Variants in NR5A2 observed in about 807,000 individuals in gnomAD.
NR5A2 encodes the protein CYP7A promoter-binding factor.
NR5A2 carries 26 observed loss-of-function variants against 62.7 expected under a neutral mutation model. The ratio of observed to expected loss-of-function variants is 0.41; its 90% CI spans 0.30 to 0.58. The LOEUF is 0.58. Ranked by LOEUF, NR5A2 falls within the 20% of genes least tolerant of loss-of-function variation. The probability of loss-of-function intolerance (pLI) is 0.22; values close to 1 mark genes in which losing one functional copy is unlikely to be tolerated. For synonymous variants in NR5A2, 246 were observed against 241.7 expected (o/e 1.02, Z -0.16); for missense variants, 541 against 669.1 (o/e 0.81, Z 2.11).
At chr1:200,098,999 T>C (rs1277536510) in intron 5 of NR5A2, among the ~76,000 whole-genome samples, 1 of 152,236 alleles carries the variant, frequency 6.6e-6, no homozygotes, top group Non-Finnish European at 1.5e-5. Context: ...CTTCAATTGC[T>C]ACTACTTTCT....
intron 5 of NR5A2, among the ~76,000 whole-genome samples, chr1:200,062,561 G>A (rs1051288116): frequency 1.3e-5 from 2 of 152,126 alleles, no homozygotes; most frequent in African/African-American, 4.8e-5. Flanking sequence ...CAGAAGTGTT[G>A]GCAACAGAAT....
At chr1:200,093,087 T>C (rs953861041) in intron 5 of NR5A2, among the ~76,000 whole-genome samples, 1 of 151,954 alleles carries the variant, frequency 6.6e-6, no homozygotes, top group Non-Finnish European at 1.5e-5. Context: ...ATTAGACTTG[T>C]AGTTTTAGGG....
At chr1:200,123,059 G>A (rs1666546432) in intron 7 of NR5A2, among the ~76,000 whole-genome samples, 3 of 152,156 alleles carry the variant, frequency 2.0e-5, no homozygotes, top group Admixed American at 6.5e-5. Flanking sequence ...ACTCTTGAAA[G>A]TTAAGGCCAA....
intron 3 of NR5A2, among the ~76,000 whole-genome samples, chr1:200,044,996 T>A (rs373083492): frequency 0.017 from 2,135 of 129,008 alleles, 21 homozygotes; most frequent in Non-Finnish European, 0.025. Context: ...AAAAAAAAAA[T>A]CTGAGGTGTT....
intron 5 of NR5A2, among the ~76,000 whole-genome samples, chr1:200,073,198 T>A (rs1663818179): frequency 6.7e-6 from 1 of 148,770 alleles, no homozygotes; most frequent in East Asian, 2.0e-4. Context: ...CCTGAGCCAC[T>A]AATGTGCTCT....
rs1169133051 is a variant in NR5A2 at position 200,108,811 on chromosome 1, C to T, written c.1111-2391C>T. On this transcript the variant is annotated intron_variant, in intron 5 of 7. Transcript: ENST00000367362. ...AGTACACCTGGCTTTGAAATCACTC[C>T]TTAGCACCTGAGAGGATCAGTTCCT... Among the ~76,000 whole-genome samples, 3 of 152,174 alleles carry T rather than the reference C, an allele frequency of 2.0e-5. No individual in the cohort carries two copies. The East Asian group carries it at 5.8e-4, about 29-fold the overall frequency.
At chr1:200,149,834 C>T (rs567045050) in intron 7 of NR5A2, among the ~76,000 whole-genome samples, 7 of 152,236 alleles carry the variant, frequency 4.6e-5, no homozygotes, top group African/African-American at 1.7e-4. Flanking sequence ...ATGATTTCAC[C>T]AATATTTCTA....
In NR5A2 at chr1:200,054,830, C is replaced by A. The variant is rs145393775; in HGVS notation, c.1110+6012C>A. Among the ~76,000 whole-genome samples, 437 of 152,164 alleles carry A rather than the reference C, an allele frequency of 2.9e-3. 9 individuals are homozygous for A. Among genetic ancestry groups the A allele is most frequent in the Admixed American group, 0.025 (380 of 15,280 alleles). On this transcript the variant is annotated intron_variant, in intron 5 of 7. Coordinates refer to ENST00000367362, the MANE Select transcript of NR5A2 (RefSeq NM_205860.3). The stretch of plus-strand genomic sequence containing the variant: ...TCACAGTTACCTTTCCCAATGCAGG[C>A]CTATAATCTCAGACTTTATTGAATC...
chr1:200,027,934 A>G, intron 1 of NR5A2, 23 bp downstream of exon 1: 1 of 1,521,336 alleles, frequency 6.6e-7, no homozygotes, highest in South Asian at 1.2e-5. Flanking sequence ...TTCTCTATTG[A>G]TCATCTATTT....
At chr1:200,136,172 C>T (rs563074177) in intron 7 of NR5A2, among the ~76,000 whole-genome samples, 1 of 152,180 alleles carries the variant, frequency 6.6e-6, no homozygotes, top group African/African-American at 2.4e-5. Flanking sequence ...GCTAGGCTCA[C>T]ACCTGCCCTC....
At chr1:200,161,885 G>A (rs1028956420) in intron 7 of NR5A2, among the ~76,000 whole-genome samples, 1 of 152,186 alleles carries the variant, frequency 6.6e-6, no homozygotes, top group African/African-American at 2.4e-5. Context: ...TGTCTTTTAT[G>A]TGTGTGGTGC....
intron 7 of NR5A2, among the ~76,000 whole-genome samples, chr1:200,158,084 A>G (rs995664467): frequency 6.6e-6 from 1 of 152,254 alleles, no homozygotes; most frequent in Non-Finnish European, 1.5e-5. Context: ...CAAGTACAAT[A>G]AACTTCACTA....
intron 7 of NR5A2, among the ~76,000 whole-genome samples, chr1:200,171,324 A>G (rs1461565710): frequency 1.3e-5 from 2 of 152,192 alleles, no homozygotes; most frequent in African/African-American, 4.8e-5. Flanking sequence ...AATTCTGATC[A>G]GCTTTAGCAA....
intron 5 of NR5A2, chr1:200,058,127 G>A (rs113053729): frequency 1.3e-5 from 2 of 152,296 alleles, no homozygotes; most frequent in East Asian, 1.9e-4. Flanking sequence ...GTACTTTACT[G>A]TTTACAAAGA....
intron 2 of NR5A2, among the ~76,000 whole-genome samples, chr1:200,041,161 G>C (rs1192096859): frequency 6.6e-6 from 1 of 152,214 alleles, no homozygotes; most frequent in African/African-American, 2.4e-5. Flanking sequence ...AGGCCGGCAC[G>C]ATTCTTGGCT....
At chr1:200,087,879 G>A (rs1420941741) in intron 5 of NR5A2, among the ~76,000 whole-genome samples, 3 of 151,826 alleles carry the variant, frequency 2.0e-5, no homozygotes, top group African/African-American at 7.3e-5. Flanking sequence ...AGCCTCCTGA[G>A]TAGCTGGGAC....
intron 7 of NR5A2, among the ~76,000 whole-genome samples, chr1:200,136,298 A>C (rs914863176): frequency 1.3e-5 from 2 of 151,912 alleles, no homozygotes; most frequent in African/African-American, 4.8e-5. Flanking sequence ...TGCTCACCGC[A>C]ACCTCCGCTT....
At chr1:200,146,957 T>C (rs1667729825) in intron 7 of NR5A2, among the ~76,000 whole-genome samples, 1 of 108,254 alleles carries the variant, frequency 9.2e-6, no homozygotes, top group African/African-American at 3.0e-5. Flanking sequence ...CTTATCCTTG[T>C]ATCCTTTTTT....
chr1:200,177,185 T>C lies in NR5A2; in HGVS notation c.*2975T>C, dbSNP rs1247968917. 6.6e-6 allele frequency: 1 copy of C among 152,670 alleles called. No individual in the cohort carries two copies. Among genetic ancestry groups the C allele is most frequent in the Non-Finnish European group, 1.5e-5 (1 of 68,044 alleles). The allele number at this position is 152,670 out of a possible 1,614,324, so 9.5% of individuals were successfully genotyped here. A position where few individuals can be genotyped will look rare whatever the true frequency, so the allele number is the denominator to read the frequency against. Reference sequence around the variant, plus strand: ...AACTTGGTTTATTATAGTTGCTCTATGTTTGTAAACAGACAATCTCTAATG... The same window carrying C: ...AACTTGGTTTATTATAGTTGCTCTACGTTTGTAAACAGACAATCTCTAATG... On this transcript the variant is annotated 3_prime_UTR_variant, in exon 8 of 8. Coordinates refer to ENST00000367362, the MANE Select transcript of NR5A2 (RefSeq NM_205860.3).
Sources: allele counts gnomAD v4.1 joint callset (sites outside exome capture counted in the v4.1 genomes callset), GRCh38; gene constraint gnomAD v4.1.1; transcripts MANE v1.5; gene names NCBI Gene and HGNC (gene_info 2026-07-23, HGNC 2026-07-21).